Variants in CELF2 observed in about 807,000 individuals in gnomAD.
CELF2 encodes CUG triplet repeat RNA-binding protein 2.
CELF2 carries 8 observed loss-of-function variants against 62.6 expected under a neutral mutation model. The observed-to-expected ratio is 0.13, with a 90% CI of 0.07 to 0.23. CELF2 has a LOEUF of 0.23. Ranked by LOEUF, CELF2 falls within the 10% of genes least tolerant of loss-of-function variation. The pLI, the probability that CELF2 is intolerant of heterozygous loss-of-function variation, is 1.00. For missense variants in CELF2, 333 were observed against 671.0 expected (o/e 0.50, Z 5.56); for synonymous variants, 258 against 250.0 (o/e 1.03, Z -0.30).
At chr10:10,754,061 G>GTTTTTTTTT in the CELF2 span, among the ~76,000 whole-genome samples, 3 of 85,054 alleles carry the variant, frequency 3.5e-5, no homozygotes, top group African/African-American at 4.5e-5. Context: ...TGCTGAGGTG[G>GTTTTTTTTT]TTTTTTTTTT....
At chr10:11,149,074 T>G (rs910679206) in intron 1 of CELF2, among the ~76,000 whole-genome samples, 10 of 152,072 alleles carry the variant, frequency 6.6e-5, no homozygotes, top group African/African-American at 2.4e-4. Flanking sequence ...TGACAGGTGT[T>G]TTTTTTTCTT....
At chr10:11,238,953 G>A (rs930820484) in intron 3 of CELF2, among the ~76,000 whole-genome samples, 11 of 152,256 alleles carry the variant, frequency 7.2e-5, no homozygotes, top group Admixed American at 5.2e-4. Flanking sequence ...CACAGCTAAC[G>A]AGTGTGATAA....
chr10:10,758,255 C>G, the CELF2 span, among the ~76,000 whole-genome samples: 1 of 152,216 alleles, frequency 6.6e-6, no homozygotes, highest in African/African-American at 2.4e-5. Context: ...AACAAGAGGA[C>G]ACAAATGCAT....
intron 1 of CELF2, chr10:11,097,161 T>C (rs1039508176): frequency 2.0e-5 from 3 of 152,242 alleles, no homozygotes; most frequent in Non-Finnish European, 4.4e-5. Context: ...GTATAGTATT[T>C]CCCATAAGTA....
At chr10:10,469,866 G>A in the CELF2 span, among the ~76,000 whole-genome samples, 8 of 151,684 alleles carry the variant, frequency 5.3e-5, no homozygotes. Context: ...CCTTATACTA[G>A]TTTTGGTCAT....
chr10:10,597,486 C>T, the CELF2 span, among the ~76,000 whole-genome samples: 1 of 152,078 alleles, frequency 6.6e-6, no homozygotes, highest in Non-Finnish European at 1.5e-5. Flanking sequence ...ACAAGCCACA[C>T]TTCCAAGTCA....
chr10:11,147,152 G>C (rs990355995), intron 1 of CELF2, among the ~76,000 whole-genome samples: 1 of 152,114 alleles, frequency 6.6e-6, no homozygotes, highest in South Asian at 2.1e-4. Context: ...AGTGTGCCAG[G>C]ATACACAGTG....
In CELF2 at chr10:11,270,574, T is replaced by C; in HGVS notation, c.619-92T>C. 8.9e-7 allele frequency: 1 copy of C among 1,119,564 alleles called. No homozygotes were observed. The highest frequency in any genetic ancestry group is 1.2e-6 in the Non-Finnish European group (1 of 833,586). 69.4% of individuals were successfully genotyped at this position (1,119,564 alleles called of 1,614,324 possible). A position where few individuals can be genotyped will look rare whatever the true frequency, so the allele number is the denominator to read the frequency against. On this transcript the variant is annotated intron_variant, in intron 6 of 12. Transcript: ENST00000633077. The surrounding 1 kb of genome is among the most constrained non-coding windows in gnomAD (Gnocchi z 5.8). Reference sequence around the variant, plus strand: ...TCAGCCCATTCCATGTGCTCCAGGCTAGTGCAGAAAGGTAGCTCCGGTGCT... The same window carrying C: ...TCAGCCCATTCCATGTGCTCCAGGCCAGTGCAGAAAGGTAGCTCCGGTGCT...
intron 2 of CELF2, among the ~76,000 whole-genome samples, chr10:11,184,446 C>T (rs2074298310): frequency 1.3e-5 from 2 of 152,186 alleles, no homozygotes; most frequent in Non-Finnish European, 2.9e-5. Context: ...AGTCCTACTA[C>T]AGTTTCTATA....
rs1445031676 is a variant in CELF2 at position 11,109,111 on chromosome 10, AT to A, written c.75-56374del. Among the ~76,000 whole-genome samples the A allele has an allele frequency of 6.6e-5, 10 of 152,306 alleles. No homozygotes were observed. In the East Asian group the frequency reaches 7.7e-4, roughly 12 times the overall value. On this transcript the variant is annotated intron_variant, in intron 1 of 12. Coordinates refer to ENST00000633077, the MANE Select transcript of CELF2 (RefSeq NM_001326342.2). ...TAATTCTGTTAGCTGCATTAGGTATATCTCATATGTAGATGTTTACGGCCCT... is the reference window on the plus strand; with the variant it reads ...TAATTCTGTTAGCTGCATTAGGTATACTCATATGTAGATGTTTACGGCCCT...
Position 11,145,993 on chromosome 10 carries a change from C to T in CELF2, c.75-19493C>T, listed in dbSNP as rs1399233006. Among the ~76,000 whole-genome samples the T allele has an allele frequency of 3.3e-5, 5 of 152,134 alleles. No homozygotes were observed. Among genetic ancestry groups the T allele is most frequent in the African/African-American group, 9.7e-5 (4 of 41,410 alleles). On this transcript the variant is annotated intron_variant, in intron 1 of 12. Coordinates refer to ENST00000633077, the MANE Select transcript of CELF2 (RefSeq NM_001326342.2). The surrounding 1 kb of genome is among the most constrained non-coding windows in gnomAD (Gnocchi z 4.3). ...TGTACTCTCCTCTGGTACTTTTAGA[C>T]GGTGTAAAACATTTCACTAAATCCT...
chr10:10,810,790 G>C (rs955001230), intron 1 of CELF2, among the ~76,000 whole-genome samples: 19 of 152,224 alleles, frequency 1.2e-4, no homozygotes, highest in African/African-American at 4.6e-4. Context: ...AGTGGGTAGA[G>C]TGAGTGCCAT....
intron 1 of CELF2, among the ~76,000 whole-genome samples, chr10:10,905,763 A>G (rs1303774134): frequency 6.6e-6 from 1 of 152,064 alleles, no homozygotes; most frequent in Non-Finnish European, 1.5e-5. Context: ...CTGTAGTCCC[A>G]GCTACTTGGG....
Position 10,957,234 on chromosome 10 carries a change from C to T in CELF2, c.89+37235C>T, listed in dbSNP as rs915537402. 2.0e-5 allele frequency among the ~76,000 whole-genome samples: 3 copies of T among 152,218 alleles called. No individual in the cohort carries two copies. The highest frequency in any genetic ancestry group is 6.5e-5 in the Admixed American group (1 of 15,284). On this transcript the variant is annotated intron_variant, in intron 2 of 13. Coordinates refer to the CELF2 transcript ENST00000636488. This position sits in a 1 kb window ranked among gnomAD's most constrained non-coding sequence, Gnocchi z 4.1. ...CCAGTTTCCCACTAATTCACTCAAACCGATTTATGTATTTAGATATGACCT... is the reference window on the plus strand; with the variant it reads ...CCAGTTTCCCACTAATTCACTCAAATCGATTTATGTATTTAGATATGACCT...
intron 12 of CELF2, among the ~76,000 whole-genome samples, chr10:11,326,837 TA>T (rs2095763169): frequency 6.6e-6 from 1 of 152,124 alleles, no homozygotes. Context: ...TGGGAAATAG[TA>T]ACAGCATAAA....
At chr10:10,630,116 C>T in the CELF2 span, among the ~76,000 whole-genome samples, 1 of 152,104 alleles carries the variant, frequency 6.6e-6, no homozygotes, top group Non-Finnish European at 1.5e-5. Context: ...CCACTTTCCC[C>T]GAATGCTTCC....
intron 1 of CELF2, among the ~76,000 whole-genome samples, chr10:11,038,010 A>G (rs2061241699): frequency 6.6e-6 from 1 of 152,340 alleles, no homozygotes; most frequent in East Asian, 1.9e-4. Flanking sequence ...TAGTTTCTGT[A>G]AGACTTTGTA....
At position 11,280,462 on chromosome 10, in the gene CELF2, A is replaced by C. The variant is rs2087983264; in HGVS notation, c.841+5342A>C. On this transcript the variant is annotated intron_variant, in intron 8 of 12. Transcript: ENST00000633077. The surrounding 1 kb of genome is among the most constrained non-coding windows in gnomAD (Gnocchi z 7.6). ...TAGGAGGGGAAGGCAGGCAGGTGCGATGTCCACGTTCCGGGTGATGGCGCT... is the reference window on the plus strand; with the variant it reads ...TAGGAGGGGAAGGCAGGCAGGTGCGCTGTCCACGTTCCGGGTGATGGCGCT... Among the ~76,000 whole-genome samples the C allele has an allele frequency of 6.6e-6, 1 of 152,198 alleles. No homozygotes were observed. Among genetic ancestry groups the C allele is most frequent in the Non-Finnish European group, 1.5e-5 (1 of 68,028 alleles).
chr10:10,710,465 T>C, the CELF2 span, among the ~76,000 whole-genome samples: 1 of 152,292 alleles, frequency 6.6e-6, no homozygotes, highest in South Asian at 2.1e-4. Flanking sequence ...TCAAGAAACA[T>C]ATATTAAGCA....
Sources: gnomAD v4.1 joint callset for allele counts (sites outside exome capture counted in the v4.1 genomes callset) on GRCh38, gnomAD v4.1.1 for gene constraint, Gnocchi (gnomAD v3.1) non-coding constraint, MANE v1.5 for transcripts, NCBI Gene and HGNC (gene_info 2026-07-23, HGNC 2026-07-21) for gene names.